PRICKLE1: variants seen among roughly 807,000 people sequenced by gnomAD.
PRICKLE1 encodes prickle-like protein 1.
PRICKLE1 carries 14 observed loss-of-function variants against 70.2 expected under a neutral mutation model. That is an observed-to-expected ratio of 0.20 (90% CI 0.13 to 0.31). PRICKLE1 has a LOEUF of 0.31. PRICKLE1 is among the 10% of genes least tolerant of loss of function. PRICKLE1 has a pLI of 1.00. For missense variants in PRICKLE1, 821 were observed against 1,026.2 expected, an observed-to-expected ratio of 0.80 and a Z score of 2.73; for synonymous variants, 357 against 379.9, an observed-to-expected ratio of 0.94 and a Z score of 0.70.
intron 6 of PRICKLE1, 184 bp from the exon 7 acceptor site, chr12:42,465,442 T>G (rs763907116): frequency 6.3e-5 from 39 of 619,004 alleles, no homozygotes; most frequent in African/African-American, 9.2e-5. Flanking sequence ...TCATAAAAAT[T>G]TATTCACAAC....
At chr12:42,476,196 T>C (rs1938524225) in intron 1 of PRICKLE1, among the ~76,000 whole-genome samples, 1 of 138,156 alleles carries the variant, frequency 7.2e-6, no homozygotes, top group South Asian at 2.1e-4. Flanking sequence ...CTTTTTTCTT[T>C]TTTTTTTTTG....
chr12:42,483,435 C>G (rs1402032171), intron 1 of PRICKLE1: 1 of 152,064 alleles, frequency 6.6e-6, no homozygotes, highest in Non-Finnish European at 1.5e-5. Flanking sequence ...GGCCCCTGAG[C>G]CCTCGGCGCG....
rs1357315340 is a variant in PRICKLE1, at chr12:42,459,312, AAG to A, written c.*495_*496del. 13 of 702,366 alleles carry A rather than the reference AAG, an allele frequency of 1.9e-5. No homozygotes were observed. The highest frequency in any genetic ancestry group is 2.9e-5 in the Non-Finnish European group (11 of 384,986). 43.5% of individuals were successfully genotyped at this position (702,366 alleles called of 1,614,324 possible). On this transcript the variant is annotated 3_prime_UTR_variant, in exon 8 of 8. Transcript: ENST00000345127. ...ATACAATACAATGTTTACCTGGCCAAAGAGGGTTCGAGGGGACAAGCTGGCCT... is the reference window on the plus strand; with the variant it reads ...ATACAATACAATGTTTACCTGGCCAAAGGGTTCGAGGGGACAAGCTGGCCT...
chr12:42,559,769 T>G (rs1458160890), intron 1 of PRICKLE1, among the ~76,000 whole-genome samples: 2 of 151,864 alleles, frequency 1.3e-5, no homozygotes, highest in East Asian at 3.9e-4. Context: ...TGGTCTGGTC[T>G]CTCTTAAATA....
At chr12:42,508,442 T>C (rs957781580) in intron 1 of PRICKLE1, among the ~76,000 whole-genome samples, 2 of 152,216 alleles carry the variant, frequency 1.3e-5, no homozygotes, top group Admixed American at 1.3e-4. Context: ...AATAAATCTG[T>C]AAATCCCTAC....
chr12:42,472,624 C>T, intron 1 of PRICKLE1, 60 bp from the exon 2 acceptor site: 1 of 1,403,682 alleles, frequency 7.1e-7, no homozygotes, highest in Non-Finnish European at 1.0e-6. Flanking sequence ...TCTCTTACCC[C>T]CGACCCAGAG....
chr12:42,577,791 C>T (rs1420575944), intron 1 of PRICKLE1, among the ~76,000 whole-genome samples: 4 of 152,172 alleles, frequency 2.6e-5, no homozygotes, highest in African/African-American at 9.7e-5. Flanking sequence ...CACACATAAG[C>T]ACAGCAATAT....
At chr12:42,497,293 T>G (rs57411229) in intron 1 of PRICKLE1, among the ~76,000 whole-genome samples, 8 of 151,942 alleles carry the variant, frequency 5.3e-5, no homozygotes, top group South Asian at 2.1e-4. Flanking sequence ...CGCCTGTAAT[T>G]CCAGCACTTT....
At chr12:42,545,765 G>A (rs866720058) in intron 1 of PRICKLE1, among the ~76,000 whole-genome samples, 11 of 151,942 alleles carry the variant, frequency 7.2e-5, no homozygotes, top group Non-Finnish European at 1.3e-4. Flanking sequence ...CAGGAGAATC[G>A]CTTGAACTCG....
At chr12:42,530,422 C>G (rs1373588207) in intron 1 of PRICKLE1, among the ~76,000 whole-genome samples, 1 of 152,128 alleles carries the variant, frequency 6.6e-6, no homozygotes, top group Non-Finnish European at 1.5e-5. Context: ...AGTCACTGTT[C>G]AGTCCACTAA....
At chr12:42,493,060 G>T (rs1939132672) in intron 1 of PRICKLE1, among the ~76,000 whole-genome samples, 1 of 151,806 alleles carries the variant, frequency 6.6e-6, no homozygotes, top group African/African-American at 2.4e-5. Context: ...TTTTTATTTG[G>T]ATTTTTAAAA....
chr12:42,538,394 T>C (rs911359777), intron 1 of PRICKLE1, among the ~76,000 whole-genome samples: 2 of 152,204 alleles, frequency 1.3e-5, no homozygotes, highest in Non-Finnish European at 2.9e-5. Context: ...GTGCTTGTAT[T>C]GTTCTGACTC....
intron 1 of PRICKLE1, among the ~76,000 whole-genome samples, chr12:42,477,189 A>G (rs997136592): frequency 2.6e-5 from 4 of 151,802 alleles, no homozygotes; most frequent in Non-Finnish European, 5.9e-5. Context: ...CCTGACCAAC[A>G]TGGAGAAACC....
intron 1 of PRICKLE1, among the ~76,000 whole-genome samples, chr12:42,488,922 C>CTTTTTTTTTTTTT (rs768868836): frequency 2.3e-5 from 3 of 130,890 alleles, no homozygotes; most frequent in African/African-American, 8.7e-5. Context: ...ATCAATCTAT[C>CTTTTTTTTTTTTT]TTTTTTTTTT....
At chr12:42,530,680 ATTTTTT>A (rs34675637) in intron 1 of PRICKLE1, among the ~76,000 whole-genome samples, 11 of 97,116 alleles carry the variant, frequency 1.1e-4, no homozygotes, top group African/African-American at 3.2e-4. Flanking sequence ...TTATCAAATA[ATTTTTT>A]TTTTTTTTTT....
intron 1 of PRICKLE1, among the ~76,000 whole-genome samples, chr12:42,487,147 T>C (rs1939005311): frequency 4.6e-5 from 7 of 152,254 alleles, no homozygotes; most frequent in Admixed American, 3.9e-4. Flanking sequence ...ATTTTGTTTC[T>C]TTCCAAATTT....
At chr12:42,520,035 A>G (rs1444610159) in intron 1 of PRICKLE1, among the ~76,000 whole-genome samples, 1 of 152,170 alleles carries the variant, frequency 6.6e-6, no homozygotes, top group East Asian at 1.9e-4. Flanking sequence ...ACAAGTTCTG[A>G]TAAGGCATGC....
intron 1 of PRICKLE1, among the ~76,000 whole-genome samples, chr12:42,492,831 G>A (rs762500378): frequency 1.1e-4 from 17 of 152,142 alleles, no homozygotes; most frequent in Non-Finnish European, 1.9e-4. Flanking sequence ...AAGGGATCTT[G>A]TCTGTTTTGT....
intron 1 of PRICKLE1, among the ~76,000 whole-genome samples, chr12:42,556,774 A>G (rs1940419029): frequency 6.6e-6 from 1 of 152,176 alleles, no homozygotes; most frequent in African/African-American, 2.4e-5. Context: ...TGGGGTGCAA[A>G]GAAGGATTAA....
Sources: allele counts gnomAD v4.1 joint callset (sites outside exome capture counted in the v4.1 genomes callset), GRCh38; gene constraint gnomAD v4.1.1; transcripts MANE v1.5; gene names NCBI Gene and HGNC (gene_info 2026-07-23, HGNC 2026-07-21).